SREK1: variants seen among roughly 807,000 people sequenced by gnomAD.
The protein encoded by SREK1 is splicing regulatory glutamic acid and lysine rich protein 1, also known as splicing regulatory glutamine/lysine-rich protein 1.
In SREK1, 13 loss-of-function variants were observed where a neutral mutation model predicts 66.5. The observed-to-expected ratio is 0.20, with a 90% confidence interval of 0.13 to 0.31. The LOEUF is 0.31. Ranked by LOEUF, SREK1 falls within the 10% of genes least tolerant of loss-of-function variation. SREK1 has a pLI of 1.00. For synonymous variants in SREK1, 265 were observed against 263.5 expected (o/e 1.01, Z -0.05); for missense variants, 607 against 769.6 (o/e 0.79, Z 2.50).
intron 6 of SREK1, chr5:66,164,390 A>T (rs1313644742): frequency 2.9e-6 from 1 of 348,864 alleles, no homozygotes. Flanking sequence ...AAAATAATTA[A>T]AAAACCCATT....
chr5:66,160,021 T>C (rs1299555359), intron 3 of SREK1, among the ~76,000 whole-genome samples: 3 of 151,932 alleles, frequency 2.0e-5, no homozygotes, highest in Non-Finnish European at 4.4e-5. Flanking sequence ...TCCCAGCTGC[T>C]CGGGAGGCCG....
chr5:66,162,300 A>G, intron 4 of SREK1, 27 bp downstream of exon 4: 1 of 1,613,180 alleles, frequency 6.2e-7, no homozygotes, highest in Non-Finnish European at 8.5e-7. Flanking sequence ...GAAACAAAGC[A>G]GCAGTAGCCC....
At chr5:66,159,088 C>A (rs375921821) in intron 2 of SREK1, 131 bp from the exon 3 acceptor site, 6 of 1,430,368 alleles carry the variant, frequency 4.2e-6, no homozygotes, top group African/African-American at 2.9e-5. Context: ...TTATTTATTT[C>A]TTTATACAGA....
At chr5:66,164,143 CAGCT>C in intron 6 of SREK1, 1 of 468,420 alleles carries the variant, frequency 2.1e-6, no homozygotes, top group Non-Finnish European at 3.6e-6. Context: ...CTGAGCTAAT[CAGCT>C]CTGTATTTTC....
chr5:66,169,156 T>G (rs1042046498), intron 7 of SREK1: 1 of 152,334 alleles, frequency 6.6e-6, no homozygotes, highest in South Asian at 2.1e-4. Context: ...TACCTCGTTA[T>G]GAAAAAAATC....
At chr5:66,165,913 A>C (rs568386958) in intron 7 of SREK1, 1 of 152,290 alleles carries the variant, frequency 6.6e-6, no homozygotes, top group South Asian at 2.1e-4. Flanking sequence ...AGATTCAAAG[A>C]ATGAGGAAAA....
At chr5:66,153,651 C>T (rs1744036589) in intron 2 of SREK1, 55 bp downstream of exon 2, 4 of 1,608,646 alleles carry the variant, frequency 2.5e-6, no homozygotes, top group Non-Finnish European at 3.4e-6. Flanking sequence ...TCTGTTATTG[C>T]CTTTAGCTTT....
At chr5:66,171,079 A>T in intron 9 of SREK1, 132 bp downstream of exon 9, 1 of 1,116,306 alleles carries the variant, frequency 9.0e-7, no homozygotes, top group Non-Finnish European at 1.2e-6. Flanking sequence ...TTTTCTCCTA[A>T]TTTCAGAGTA....
chr5:66,158,997 T>C, intron 2 of SREK1: 1 of 1,386,858 alleles, frequency 7.2e-7, no homozygotes, highest in Non-Finnish European at 9.4e-7. Flanking sequence ...TAATATTCCA[T>C]TAATGAGATT....
chr5:66,160,171 G>C (rs1227171563), intron 3 of SREK1, among the ~76,000 whole-genome samples: 1 of 151,172 alleles, frequency 6.6e-6, no homozygotes, highest in African/African-American at 2.4e-5. Context: ...CTTGGTTTTT[G>C]CTTAAAAAAC....
In SREK1 at chr5:66,170,836, A is replaced by G; in HGVS notation, c.1373A>G (p.Glu458Gly). The change falls in exon 9 of 12, where the codon GAA becomes GGA. Residue 458 changes from glutamate (E) to glycine (G), a missense_variant. Transcript: ENST00000334121. Reference sequence around the variant, plus strand: ...GAAAAGGAACAGGACAAAGAAAAGGAACGAGAAAAAGACAGATCCAAAGAG... The same window carrying G: ...GAAAAGGAACAGGACAAAGAAAAGGGACGAGAAAAAGACAGATCCAAAGAG... Reference protein sequence around the residue: ...EKEKEQDKEKEREKDRSKEID... With the variant: ...EKEKEQDKEKGREKDRSKEID... The G allele has an allele frequency of 6.2e-7, 1 of 1,613,880 alleles. No individual in the cohort carries two copies. The highest frequency in any genetic ancestry group is 8.5e-7 in the Non-Finnish European group (1 of 1,179,892).
intron 1 of SREK1, among the ~76,000 whole-genome samples, chr5:66,151,828 T>A (rs1743843068): frequency 7.0e-6 from 1 of 143,724 alleles, no homozygotes; most frequent in Non-Finnish European, 1.5e-5. Context: ...TGCTAAGAGG[T>A]ACATCCTTTT....
intron 1 of SREK1, 94 bp from the exon 2 acceptor site, chr5:66,153,369 A>T: frequency 6.7e-7 from 1 of 1,483,172 alleles, no homozygotes; most frequent in Non-Finnish European, 9.1e-7. Flanking sequence ...TAATTTCGTA[A>T]GATTATGTAA....
chr5:66,177,323 C>CT, intron 10 of SREK1, 191 bp from the exon 11 acceptor site: 3 of 443,398 alleles, frequency 6.8e-6, no homozygotes, highest in South Asian at 4.4e-5. Flanking sequence ...CCTTAAGAAA[C>CT]TAACTGGGGT....
intron 2 of SREK1, chr5:66,156,602 C>G (rs1250010358): frequency 7.1e-6 from 7 of 985,312 alleles, no homozygotes; most frequent in East Asian, 1.1e-4. Context: ...TAGTCTACAT[C>G]TCTCATAAAA....
At chr5:66,175,095 T>G (rs1268457616) in intron 10 of SREK1, 54 bp downstream of exon 10, 2 of 1,412,624 alleles carry the variant, frequency 1.4e-6, no homozygotes, top group African/African-American at 2.9e-5. Context: ...AAATATTTTT[T>G]GAAATTTTAA....
Position 66,178,976 on chromosome 5 carries a change from A to C in SREK1, c.*108A>C, listed in dbSNP as rs1746296452. The C allele has an allele frequency of 8.0e-7, 1 of 1,242,852 alleles. No homozygotes were observed. Among genetic ancestry groups the C allele is most frequent in the Non-Finnish European group, 1.1e-6 (1 of 946,012 alleles). 77.0% of individuals were successfully genotyped at this position (1,242,852 alleles called of 1,614,324 possible). On this transcript the variant is annotated 3_prime_UTR_variant, in exon 12 of 12. Coordinates refer to ENST00000334121, the MANE Select transcript of SREK1 (RefSeq NM_001077199.3). Reference sequence around the variant, plus strand: ...AAATCTAGTTGAGCATGAAGATAGGATCTAACAGCTTTTCCAGTTGTTAGA... The same window carrying C: ...AAATCTAGTTGAGCATGAAGATAGGCTCTAACAGCTTTTCCAGTTGTTAGA...
intron 7 of SREK1, chr5:66,168,445 C>T (rs915842521): frequency 1.3e-5 from 2 of 152,198 alleles, no homozygotes; most frequent in South Asian, 2.1e-4. Flanking sequence ...TCATTGCAAC[C>T]TCTGCCCCCC....
chr5:66,170,485 T>C (rs1477485858), intron 8 of SREK1, 100 bp from the exon 9 acceptor site: 2 of 1,387,864 alleles, frequency 1.4e-6, no homozygotes, highest in East Asian at 2.3e-5. Flanking sequence ...CTGTAGGTAC[T>C]ATAAATTGTC....
Sources: allele counts gnomAD v4.1 joint callset (sites outside exome capture counted in the v4.1 genomes callset), GRCh38; gene constraint gnomAD v4.1.1; transcripts MANE v1.5; gene names NCBI Gene and HGNC (gene_info 2026-07-23, HGNC 2026-07-21).